Variants in SGCZ observed in about 807,000 individuals in gnomAD.
The protein encoded by SGCZ is zeta-sarcoglycan.
In SGCZ, 40 loss-of-function variants were observed where a neutral mutation model predicts 41.3. That is an observed-to-expected ratio of 0.97 (90% confidence interval 0.75 to 1.26). SGCZ has a LOEUF of 1.26. SGCZ is among the 50% of genes most tolerant of loss of function. The probability of loss-of-function intolerance (pLI) is 0.00; values close to 1 mark genes in which losing one functional copy is unlikely to be tolerated. For missense variants in SGCZ, 552 were observed against 369.8 expected (o/e 1.49, Z -4.04); for synonymous variants, 206 against 137.5 (o/e 1.50, Z -3.49).
chr8:14,131,361 TTTG>T (rs1228903468), intron 5 of SGCZ, among the ~76,000 whole-genome samples: 3 of 152,086 alleles, frequency 2.0e-5, no homozygotes, highest in Non-Finnish European at 2.9e-5. Context: ...AGAAATGCAG[TTTG>T]TTATTACCAC....
chr8:15,233,782 G>C (rs1802036076), intron 1 of SGCZ, among the ~76,000 whole-genome samples: 2 of 152,042 alleles, frequency 1.3e-5, no homozygotes, highest in African/African-American at 4.8e-5. Context: ...TACCGTTCAT[G>C]TTCTGCAATT....
intron 2 of SGCZ, among the ~76,000 whole-genome samples, chr8:14,415,120 G>C (rs1238714719): frequency 6.6e-6 from 1 of 151,772 alleles, no homozygotes; most frequent in Non-Finnish European, 1.5e-5. Context: ...TAATTTCAGT[G>C]ACTTTCAAAG....
At chr8:14,540,285 T>G (rs1803423930) in intron 2 of SGCZ, among the ~76,000 whole-genome samples, 1 of 148,096 alleles carries the variant, frequency 6.8e-6, no homozygotes. Flanking sequence ...TATAAATTAT[T>G]ATCAATCTCT....
chr8:14,864,424 T>A (rs1367072111), intron 1 of SGCZ, among the ~76,000 whole-genome samples: 1 of 152,140 alleles, frequency 6.6e-6, no homozygotes, highest in East Asian at 1.9e-4. Context: ...AGTAATTTAG[T>A]CAACTACGAT....
intron 5 of SGCZ, among the ~76,000 whole-genome samples, chr8:14,129,016 C>A (rs531308277): frequency 6.6e-6 from 1 of 151,942 alleles, no homozygotes; most frequent in Admixed American, 6.6e-5. Flanking sequence ...ACGCTAAAAG[C>A]CCAGACTTCA....
chr8:14,496,613 A>G (rs1316076602), intron 2 of SGCZ, among the ~76,000 whole-genome samples: 1 of 152,170 alleles, frequency 6.6e-6, no homozygotes, highest in Non-Finnish European at 1.5e-5. Flanking sequence ...CTGTTTTTGT[A>G]TCACAGTTGT....
At chr8:14,970,856 C>G (rs896621671) in intron 1 of SGCZ, among the ~76,000 whole-genome samples, 4 of 152,108 alleles carry the variant, frequency 2.6e-5, no homozygotes, top group African/African-American at 9.7e-5. Flanking sequence ...TATTGATTGG[C>G]ATTGCATTAT....
At chr8:14,752,433 A>C (rs1030013330) in intron 1 of SGCZ, among the ~76,000 whole-genome samples, 2 of 152,180 alleles carry the variant, frequency 1.3e-5, no homozygotes, top group South Asian at 4.1e-4. Flanking sequence ...GCTTGGGCCA[A>C]TTTGAGTTAA....
In SGCZ at chr8:14,853,393, T is replaced by C. The variant is rs762382766; in HGVS notation, c.40-298467A>G. The C allele has an allele frequency of 1.4e-5, 7 of 517,554 alleles. No individual in the cohort carries two copies. In the Admixed American group the frequency reaches 1.4e-4, roughly 10 times the overall value. The allele number at this position is 517,554 out of a possible 1,614,324, so 32.1% of individuals were successfully genotyped here. A position where few individuals can be genotyped will look rare whatever the true frequency, so the allele number is the denominator to read the frequency against. On this transcript the variant is annotated intron_variant, in intron 1 of 7. Transcript: ENST00000382080. The stretch of plus-strand genomic sequence containing the variant: ...AATGCAGTTCCCTTGGGACCTACGC[T>C]GGATGGATACCCAAGGTCTCATGAG...
intron 1 of SGCZ, among the ~76,000 whole-genome samples, chr8:15,207,198 C>G (rs1026035196): frequency 2.6e-5 from 4 of 151,994 alleles, no homozygotes; most frequent in African/African-American, 4.8e-5. Context: ...CCAGACACAC[C>G]AAGTTTGGGT....
intron 3 of SGCZ, among the ~76,000 whole-genome samples, chr8:14,298,586 T>G (rs752066294): frequency 1.3e-5 from 2 of 152,004 alleles, no homozygotes; most frequent in Non-Finnish European, 2.9e-5. Flanking sequence ...TACCATTTAT[T>G]ACAACATTAA....
chr8:14,833,028 A>C (rs1802584503), intron 1 of SGCZ, among the ~76,000 whole-genome samples: 2 of 152,020 alleles, frequency 1.3e-5, no homozygotes, highest in Admixed American at 6.6e-5. Flanking sequence ...TGAAATGCTT[A>C]ATCTGTTTTT....
intron 2 of SGCZ, among the ~76,000 whole-genome samples, chr8:14,455,600 T>C (rs1175784782): frequency 6.6e-6 from 1 of 152,202 alleles, no homozygotes; most frequent in East Asian, 1.9e-4. Flanking sequence ...ATCCCACTTC[T>C]AGTAATCTAC....
At chr8:14,646,095 T>C (rs144822113) in intron 1 of SGCZ, among the ~76,000 whole-genome samples, 2 of 152,010 alleles carry the variant, frequency 1.3e-5, no homozygotes, top group Admixed American at 6.6e-5. Context: ...GGAATACATA[T>C]ACAGGTCAGT....
chr8:14,592,846 A>T (rs1036799806), intron 1 of SGCZ, among the ~76,000 whole-genome samples: 2 of 152,188 alleles, frequency 1.3e-5, no homozygotes, highest in Admixed American at 6.5e-5. Flanking sequence ...AATCAGACAG[A>T]CTAGAAGACA....
chr8:14,125,460 C>T (rs749420193), intron 5 of SGCZ, among the ~76,000 whole-genome samples: 12 of 150,180 alleles, frequency 8.0e-5, no homozygotes, highest in African/African-American at 1.2e-4. Context: ...GCCGAGATCA[C>T]GCCACTGCAC....
At chr8:14,318,317 T>C (rs1198907791) in intron 3 of SGCZ, among the ~76,000 whole-genome samples, 1 of 151,778 alleles carries the variant, frequency 6.6e-6, no homozygotes, top group Non-Finnish European at 1.5e-5. Flanking sequence ...TCCAGAAAAG[T>C]TTTTACAAAT....
intron 1 of SGCZ, among the ~76,000 whole-genome samples, chr8:14,654,719 G>A (rs1161107697): frequency 6.6e-6 from 1 of 150,852 alleles, no homozygotes; most frequent in Non-Finnish European, 1.5e-5. Context: ...TTATAGGCAC[G>A]CACCGCCATG....
intron 2 of SGCZ, among the ~76,000 whole-genome samples, chr8:14,415,082 T>C (rs568744176): frequency 6.6e-6 from 1 of 152,048 alleles, no homozygotes; most frequent in South Asian, 2.1e-4. Context: ...AGAGTGTTTT[T>C]ACAATCCCCT....
Sources: gnomAD v4.1 joint callset for allele counts (sites outside exome capture counted in the v4.1 genomes callset) on GRCh38, gnomAD v4.1.1 for gene constraint, MANE v1.5 for transcripts, NCBI Gene and HGNC (gene_info 2026-07-23, HGNC 2026-07-21) for gene names.